ALK: variants seen among roughly 807,000 people sequenced by gnomAD.
The protein encoded by ALK is ALK tyrosine kinase receptor.
ALK carries 74 observed loss-of-function variants against 163.1 expected under a neutral mutation model. That is an observed-to-expected ratio of 0.45 (90% CI 0.38 to 0.55). The LOEUF is 0.55. Among genes scored for constraint, ALK ranks in the 20% least tolerant of loss-of-function variants. The probability of loss-of-function intolerance (pLI) is 0.00; values close to 1 mark genes in which losing one functional copy is unlikely to be tolerated. For missense variants in ALK, 2,063 were observed against 2,105.3 expected, an observed-to-expected ratio of 0.98 and a Z score of 0.39; for synonymous variants, 960 against 843.2, an observed-to-expected ratio of 1.14 and a Z score of -2.40.
At chr2:29,519,535 C>T (rs1672757717) in intron 4 of ALK, among the ~76,000 whole-genome samples, 1 of 152,196 alleles carries the variant, frequency 6.6e-6, no homozygotes, top group Non-Finnish European at 1.5e-5. Flanking sequence ...TTGCCAACAA[C>T]CACATTTTCT....
At chr2:29,641,464 A>G (rs1219794843) in intron 3 of ALK, among the ~76,000 whole-genome samples, 1 of 152,170 alleles carries the variant, frequency 6.6e-6, no homozygotes, top group African/African-American at 2.4e-5. Flanking sequence ...TCTGCTGAAC[A>G]GCCCCTGGGA....
intron 4 of ALK, among the ~76,000 whole-genome samples, chr2:29,512,491 C>T (rs563021438): frequency 5.4e-5 from 8 of 148,998 alleles, no homozygotes; most frequent in East Asian, 2.0e-4. Context: ...ATTGATGGGA[C>T]GTATCTCAAA....
intron 1 of ALK, among the ~76,000 whole-genome samples, chr2:29,756,512 A>T (rs930384098): frequency 6.7e-6 from 1 of 149,470 alleles, no homozygotes; most frequent in African/African-American, 2.5e-5. Flanking sequence ...AAAGTACAGT[A>T]GATCATTTAC....
rs140092447 is a variant in ALK at position 29,638,924 on chromosome 2, G to A, written c.952+55926C>T. Among the ~76,000 whole-genome samples, 228 of 152,266 alleles carry A rather than the reference G, an allele frequency of 1.5e-3. 1 individual carries two copies. The highest frequency in any genetic ancestry group is 6.8e-3 in the Middle Eastern group (2 of 294). On this transcript the variant is annotated intron_variant, in intron 3 of 28. Transcript: ENST00000389048. ...GTGTGAGGGACATGCATGGCATCCCGTGTTCAGTACATGTGGACCACATGG... is the reference window on the plus strand; with the variant it reads ...GTGTGAGGGACATGCATGGCATCCCATGTTCAGTACATGTGGACCACATGG...
intron 3 of ALK, among the ~76,000 whole-genome samples, chr2:29,595,444 C>T (rs1675185099): frequency 6.6e-6 from 1 of 152,018 alleles, no homozygotes; most frequent in African/African-American, 2.4e-5. Flanking sequence ...CCTCAGCCTC[C>T]CGAGTAACTG....
chr2:29,652,063 G>T (rs558788282), intron 3 of ALK, among the ~76,000 whole-genome samples: 2 of 152,220 alleles, frequency 1.3e-5, no homozygotes, highest in African/African-American at 4.8e-5. Flanking sequence ...ACAGAGAGCT[G>T]GTAAAGGGAA....
At chr2:29,463,267 T>C (rs1484835382) in intron 4 of ALK, among the ~76,000 whole-genome samples, 2 of 152,194 alleles carry the variant, frequency 1.3e-5, no homozygotes, top group Non-Finnish European at 2.9e-5. Flanking sequence ...TTGTTTTGGA[T>C]TGACTGTTGC....
At chr2:29,751,959 T>C (rs1680377249) in intron 1 of ALK, among the ~76,000 whole-genome samples, 1 of 152,128 alleles carries the variant, frequency 6.6e-6, no homozygotes, top group Non-Finnish European at 1.5e-5. Context: ...GTGGTAGAGG[T>C]ATTATCCCCA....
At chr2:29,574,176 C>T (rs1674458581) in intron 3 of ALK, among the ~76,000 whole-genome samples, 1 of 152,180 alleles carries the variant, frequency 6.6e-6, no homozygotes, top group Non-Finnish European at 1.5e-5. Context: ...TAGAGCATGG[C>T]TCTGGTGTCA....
chr2:29,351,153 T>C (rs1316977633), intron 5 of ALK, among the ~76,000 whole-genome samples: 1 of 152,216 alleles, frequency 6.6e-6, no homozygotes, highest in Non-Finnish European at 1.5e-5. Flanking sequence ...CACTGAGTTA[T>C]ATTGTGGCTT....
intron 12 of ALK, among the ~76,000 whole-genome samples, chr2:29,247,999 T>C (rs79938843): frequency 0.019 from 2,861 of 152,312 alleles, 57 homozygotes; most frequent in African/African-American, 0.042. Flanking sequence ...ATATTCTGAC[T>C]TGGGGACATT....
intron 1 of ALK, among the ~76,000 whole-genome samples, chr2:29,767,282 T>A (rs1158579191): frequency 4.6e-5 from 7 of 152,216 alleles, no homozygotes; most frequent in African/African-American, 1.7e-4. Context: ...ACCTTCCTAA[T>A]GTTTACTGCA....
At chr2:29,509,902 A>C (rs951410502) in intron 4 of ALK, among the ~76,000 whole-genome samples, 1 of 152,170 alleles carries the variant, frequency 6.6e-6, no homozygotes, top group African/African-American at 2.4e-5. Flanking sequence ...TAGGTTTAGC[A>C]ATTGTGATCT....
intron 2 of ALK, among the ~76,000 whole-genome samples, chr2:29,715,637 G>T (rs997317266): frequency 2.0e-5 from 3 of 152,142 alleles, no homozygotes; most frequent in African/African-American, 7.2e-5. Context: ...TTTACCCCTT[G>T]GGGCATTCTG....
intron 11 of ALK, among the ~76,000 whole-genome samples, chr2:29,269,355 T>C (rs1298585003): frequency 6.6e-6 from 1 of 152,176 alleles, no homozygotes; most frequent in East Asian, 1.9e-4. Context: ...AACCCTGGTG[T>C]TCACTGATGT....
chr2:29,393,673 TTTGCTTTCCTC>T (rs1208983730), intron 4 of ALK, among the ~76,000 whole-genome samples: 1 of 152,220 alleles, frequency 6.6e-6, no homozygotes, highest in Non-Finnish European at 1.5e-5. Context: ...ACAAATTTGT[TTTGCTTTCCTC>T]TTGCTTTCCT....
intron 23 of ALK, among the ~76,000 whole-genome samples, chr2:29,220,227 TAGTG>T (rs1383567198): frequency 3.3e-5 from 5 of 152,118 alleles, no homozygotes; most frequent in East Asian, 1.9e-4. Context: ...ATTCTCATGA[TAGTG>T]AGTGAGTTCT....
At chr2:29,399,462 C>T (rs1385935555) in intron 4 of ALK, among the ~76,000 whole-genome samples, 9 of 152,204 alleles carry the variant, frequency 5.9e-5, no homozygotes, top group African/African-American at 2.2e-4. Context: ...GCAAAAGGCA[C>T]GAGGGTGCCC....
At chr2:29,207,543 T>G (rs1669344193) in intron 25 of ALK, among the ~76,000 whole-genome samples, 2 of 152,234 alleles carry the variant, frequency 1.3e-5, no homozygotes, top group African/African-American at 4.8e-5. Context: ...AGCAGATGTT[T>G]AGCTTTCTCT....
Sources: allele counts gnomAD v4.1 joint callset (sites outside exome capture counted in the v4.1 genomes callset), GRCh38; gene constraint gnomAD v4.1.1; transcripts MANE v1.5; gene names NCBI Gene and HGNC (gene_info 2026-07-23, HGNC 2026-07-21).